Variants in TRAPPC9 observed in about 807,000 individuals in gnomAD.
TRAPPC9 encodes the protein IKK2 binding protein.
A neutral mutation model predicts 124.0 loss-of-function variants in TRAPPC9; 83 were observed. That is an observed-to-expected ratio of 0.67 (90% confidence interval 0.56 to 0.80). The LOEUF (loss-of-function observed/expected upper bound fraction) is 0.80. TRAPPC9 is among the 30% of genes least tolerant of loss of function. The pLI, the probability that TRAPPC9 is intolerant of heterozygous loss-of-function variation, is 0.00. For synonymous variants in TRAPPC9, 638 were observed against 617.5 expected (o/e 1.03, Z -0.49); for missense variants, 1,302 against 1,508.3 (o/e 0.86, Z 2.27).
chr8:140,211,795 C>T (rs1270108523), intron 17 of TRAPPC9, among the ~76,000 whole-genome samples: 2 of 152,192 alleles, frequency 1.3e-5, no homozygotes, highest in Non-Finnish European at 2.9e-5. Context: ...TCTGGCCTCA[C>T]TGTCTGGAAT....
chr8:140,035,731 G>C (rs565428373), intron 17 of TRAPPC9, among the ~76,000 whole-genome samples: 2 of 152,276 alleles, frequency 1.3e-5, no homozygotes, highest in Admixed American at 1.3e-4. Flanking sequence ...TAACCACACT[G>C]AAGGCCACTG....
intron 17 of TRAPPC9, among the ~76,000 whole-genome samples, chr8:140,123,846 G>A (rs2061032204): frequency 6.6e-6 from 1 of 152,234 alleles, no homozygotes. Flanking sequence ...AGTTCTTTGT[G>A]AGGAGTGCAG....
chr8:140,293,856 AAAGTAT>A (rs1011421871), intron 11 of TRAPPC9, among the ~76,000 whole-genome samples: 83 of 152,234 alleles, frequency 5.5e-4, no homozygotes, highest in African/African-American at 1.9e-3. Flanking sequence ...CCTAAAACTT[AAAGTAT>A]AATAATAATA....
chr8:140,215,459 A>G lies in TRAPPC9; in HGVS notation c.2556+6000T>C, dbSNP rs148292667. 2.0e-5 allele frequency among the ~76,000 whole-genome samples: 3 copies of G among 152,038 alleles called. No individual in the cohort carries two copies. The East Asian group carries it at 5.8e-4, about 29-fold the overall frequency. On this transcript the variant is annotated intron_variant, in intron 17 of 22. Coordinates refer to ENST00000438773, the MANE Select transcript of TRAPPC9 (RefSeq NM_001160372.4). ...GGAGTTCGGGACCAGCCCAGGCAAC[A>G]CAGTGAAACCCCATCTCTACTAAAA...
intron 21 of TRAPPC9, among the ~76,000 whole-genome samples, chr8:139,752,568 A>G (rs1819395895): frequency 6.7e-6 from 1 of 149,120 alleles, no homozygotes; most frequent in South Asian, 2.2e-4. Context: ...CCATGTACCC[A>G]CCATCAATCC....
At chr8:140,439,938 C>A (rs376250229) in intron 2 of TRAPPC9, among the ~76,000 whole-genome samples, 1 of 152,100 alleles carries the variant, frequency 6.6e-6, no homozygotes, top group African/African-American at 2.4e-5. Context: ...GAATAAAACT[C>A]CTCTGGAAAT....
At chr8:140,040,074 T>C (rs6994517) in intron 17 of TRAPPC9, 72,420 of 151,848 alleles carry the variant, frequency 0.48, 18,835 homozygotes, top group Non-Finnish European at 0.59. Context: ...CTTAAGAAAT[T>C]TGAGACTCTC....
intron 9 of TRAPPC9, among the ~76,000 whole-genome samples, chr8:140,348,845 G>A (rs2067430204): frequency 6.6e-6 from 1 of 152,174 alleles, no homozygotes; most frequent in South Asian, 2.1e-4. Flanking sequence ...TGGGAGCAAA[G>A]AGACAAGCGG....
At chr8:139,876,125 A>C (rs538817166) in intron 21 of TRAPPC9, among the ~76,000 whole-genome samples, 12 of 152,204 alleles carry the variant, frequency 7.9e-5, no homozygotes, top group Non-Finnish European at 1.5e-4. Flanking sequence ...AGCTCCCCAC[A>C]TGATGTCCAT....
At chr8:140,144,470 TCA>T (rs1195580837) in intron 17 of TRAPPC9, among the ~76,000 whole-genome samples, 2 of 15,862 alleles carry the variant, frequency 1.3e-4, no homozygotes, top group African/African-American at 4.4e-4. Context: ...TTCTTTTCAT[TCA>T]TTCATTCATT....
intron 12 of TRAPPC9, among the ~76,000 whole-genome samples, chr8:140,289,832 G>A (rs577790940): frequency 9.8e-5 from 15 of 152,292 alleles, no homozygotes; most frequent in African/African-American, 2.6e-4. Flanking sequence ...GTCAGTCCTC[G>A]CCCAACAGGA....
intron 16 of TRAPPC9, among the ~76,000 whole-genome samples, chr8:140,251,433 C>G (rs1053140821): frequency 4.6e-5 from 7 of 152,214 alleles, no homozygotes; most frequent in Non-Finnish European, 8.8e-5. Context: ...ATCCTCTCAA[C>G]TTTTTTCATT....
At chr8:140,031,665 G>A (rs1028526631) in intron 17 of TRAPPC9, among the ~76,000 whole-genome samples, 5 of 152,204 alleles carry the variant, frequency 3.3e-5, no homozygotes, top group Admixed American at 1.3e-4. Flanking sequence ...ACAAATAAAA[G>A]CCATACCATT....
At chr8:140,419,661 A>G (rs1781071271) in intron 5 of TRAPPC9, among the ~76,000 whole-genome samples, 1 of 151,080 alleles carries the variant, frequency 6.6e-6, no homozygotes, top group Admixed American at 6.6e-5. Context: ...CGAGGCAAGG[A>G]GATCACGAGG....
rs889124566 is a variant in TRAPPC9 at position 139,934,582 on chromosome 8, C to A, written c.2811-24282G>T. Among the ~76,000 whole-genome samples the A allele has an allele frequency of 1.3e-4, 20 of 152,222 alleles. No homozygotes were observed. The Middle Eastern group carries it at 9.5e-3, about 72-fold the overall frequency. On this transcript the variant is annotated intron_variant, in intron 19 of 22. Coordinates refer to ENST00000438773, the MANE Select transcript of TRAPPC9 (RefSeq NM_001160372.4). ...TGATCAGCCCCTGTCTGAGTCATCACTTCTAAACCGCTCAGCAATTCTCTT... is the reference window on the plus strand; with the variant it reads ...TGATCAGCCCCTGTCTGAGTCATCAATTCTAAACCGCTCAGCAATTCTCTT...
At chr8:140,193,419 C>T (rs1265461252) in intron 17 of TRAPPC9, among the ~76,000 whole-genome samples, 4 of 152,130 alleles carry the variant, frequency 2.6e-5, no homozygotes, top group African/African-American at 7.2e-5. Context: ...GTAGGCATTG[C>T]AAAGCCTAGC....
chr8:139,852,694 T>C (rs991821818), intron 21 of TRAPPC9, among the ~76,000 whole-genome samples: 3 of 152,176 alleles, frequency 2.0e-5, no homozygotes, highest in Non-Finnish European at 4.4e-5. Flanking sequence ...CCAAAGAAAA[T>C]ATTCCATTTT....
At chr8:140,430,104 G>A (rs528261784) in intron 4 of TRAPPC9, among the ~76,000 whole-genome samples, 76 of 147,964 alleles carry the variant, frequency 5.1e-4, no homozygotes, top group African/African-American at 1.6e-3. Flanking sequence ...CCGAGATCAC[G>A]ACATTGCACT....
intron 19 of TRAPPC9, among the ~76,000 whole-genome samples, chr8:139,944,465 G>A (rs970140830): frequency 4.6e-5 from 7 of 152,166 alleles, no homozygotes; most frequent in African/African-American, 9.7e-5. Context: ...CACAGGAACC[G>A]ATGTGGTTGC....
Sources: gnomAD v4.1 joint callset for allele counts (sites outside exome capture counted in the v4.1 genomes callset) on GRCh38, gnomAD v4.1.1 for gene constraint, MANE v1.5 for transcripts, NCBI Gene and HGNC (gene_info 2026-07-23, HGNC 2026-07-21) for gene names.